FLT1: variants seen among roughly 807,000 people sequenced by gnomAD.
FLT1 encodes fms related receptor tyrosine kinase 1.
FLT1 carries 49 observed loss-of-function variants against 156.3 expected under a neutral mutation model. The observed-to-expected ratio is 0.31, with a 90% CI of 0.25 to 0.40. FLT1 has a LOEUF of 0.40. FLT1 is among the 10% of genes least tolerant of loss of function. The pLI, the probability that FLT1 is intolerant of heterozygous loss-of-function variation, is 1.00. For synonymous variants in FLT1, 594 were observed against 583.8 expected, an observed-to-expected ratio of 1.02 and a Z score of -0.25; for missense variants, 1,322 against 1,637.2, an observed-to-expected ratio of 0.81 and a Z score of 3.32.
chr13:28,430,006 A>C (rs774860572), intron 8 of FLT1, 44 bp downstream of exon 8: 1 of 1,299,074 alleles, frequency 7.7e-7, no homozygotes, highest in Non-Finnish European at 1.1e-6. Context: ...CTTCCCACTT[A>C]CAAAGTATGT....
intron 15 of FLT1, among the ~76,000 whole-genome samples, chr13:28,354,673 CA>C (rs1384625289): frequency 6.6e-6 from 1 of 151,306 alleles, no homozygotes; most frequent in Non-Finnish European, 1.5e-5. Context: ...TTTTTTTAAG[CA>C]AAAAAGGTTG....
At chr13:28,328,821 G>C (rs1258334961) in intron 19 of FLT1, among the ~76,000 whole-genome samples, 1 of 152,146 alleles carries the variant, frequency 6.6e-6, no homozygotes. Flanking sequence ...ATGCAAAGTT[G>C]AGGCAAACAG....
chr13:28,480,300 A>G (rs1168260231), intron 1 of FLT1, among the ~76,000 whole-genome samples: 1 of 152,218 alleles, frequency 6.6e-6, no homozygotes, highest in East Asian at 1.9e-4. Context: ...GTATACCGAT[A>G]GAGATACAAC....
chr13:28,467,769 T>C (rs1381151612), intron 1 of FLT1, 152 bp from the exon 2 acceptor site: 3 of 599,260 alleles, frequency 5.0e-6, no homozygotes, highest in Admixed American at 3.1e-5. Context: ...GATACACTAA[T>C]ACAAATTTCT....
At chr13:28,327,156 A>G (rs1204249504) in intron 20 of FLT1, among the ~76,000 whole-genome samples, 1 of 152,272 alleles carries the variant, frequency 6.6e-6, no homozygotes, top group Non-Finnish European at 1.5e-5. Context: ...GTATGTACAC[A>G]TGCACACATA....
At chr13:28,332,446 C>T (rs1474078728) in intron 18 of FLT1, among the ~76,000 whole-genome samples, 1 of 152,080 alleles carries the variant, frequency 6.6e-6, no homozygotes, top group Non-Finnish European at 1.5e-5. Context: ...AGAAACGGGA[C>T]TAGCTGAGGA....
rs1293094235 is a variant in FLT1, at chr13:28,409,065, C to T, written c.1437-3171G>A. Among the ~76,000 whole-genome samples, 4 of 152,186 alleles carry T rather than the reference C, an allele frequency of 2.6e-5. 1 individual carries two copies. Among genetic ancestry groups the T allele is most frequent in the Non-Finnish European group, 4.4e-5 (3 of 68,022 alleles). ...TAGGACCTCATGTGTGATATGTCAGCCTTCTACATTCCAAGTGGGAGCCAT... is the reference window on the plus strand; with the variant it reads ...TAGGACCTCATGTGTGATATGTCAGTCTTCTACATTCCAAGTGGGAGCCAT... On this transcript the variant is annotated intron_variant, in intron 10 of 29. Transcript: ENST00000282397.
chr13:28,483,245 G>A (rs1210120953), intron 1 of FLT1, among the ~76,000 whole-genome samples: 7 of 152,148 alleles, frequency 4.6e-5, no homozygotes, highest in African/African-American at 7.2e-5. Flanking sequence ...AGTTTACACT[G>A]CCTTTTAAAA....
At chr13:28,333,346 A>G (rs1871998725) in intron 18 of FLT1, among the ~76,000 whole-genome samples, 1 of 152,176 alleles carries the variant, frequency 6.6e-6, no homozygotes, top group African/African-American at 2.4e-5. Flanking sequence ...AGTATTTTCT[A>G]CACTGTAAAG....
Position 28,317,482 on chromosome 13 carries a change from G to A in FLT1, c.3386+16C>T, listed in dbSNP as rs1415820071. ...GCGAGCTGTCAGATGGGGAGCAGAG[G>A]GCACCAAGGGCTCACATTTCAGGAG... is the stretch of plus-strand genomic sequence containing the variant. On this transcript the variant is annotated intron_variant, in intron 25 of 29. Transcript: ENST00000282397. 1.3e-6 allele frequency: 2 copies of A among 1,536,342 alleles called. No homozygotes were observed. Among genetic ancestry groups the A allele is most frequent in the Non-Finnish European group, 1.8e-6 (2 of 1,109,644 alleles).
chr13:28,465,513 A>G (rs932621909), intron 3 of FLT1, among the ~76,000 whole-genome samples: 7 of 152,132 alleles, frequency 4.6e-5, no homozygotes, highest in South Asian at 2.1e-4. Flanking sequence ...ATGCTCAGGG[A>G]AAAACACTGT....
intron 23 of FLT1, among the ~76,000 whole-genome samples, chr13:28,320,615 T>C (rs2138828784): frequency 6.6e-6 from 1 of 152,270 alleles, no homozygotes; most frequent in Non-Finnish European, 1.5e-5. Flanking sequence ...AGATAATTCT[T>C]CTTCTTCCAA....
intron 1 of FLT1, among the ~76,000 whole-genome samples, chr13:28,475,955 G>T (rs148982295): frequency 6.6e-6 from 1 of 152,292 alleles, no homozygotes; most frequent in Non-Finnish European, 1.5e-5. Context: ...AGACTAAATA[G>T]AAGATGTGAA....
At chr13:28,350,707 C>T (rs867144263) in intron 15 of FLT1, among the ~76,000 whole-genome samples, 2 of 152,140 alleles carry the variant, frequency 1.3e-5, no homozygotes, top group Non-Finnish European at 2.9e-5. Flanking sequence ...TGTCCCAGGG[C>T]CTGCCTTGAC....
chr13:28,367,674 T>C lies in FLT1; in HGVS notation c.2117-9989A>G, dbSNP rs1873349572. On this transcript the variant is annotated intron_variant, in intron 14 of 29. Coordinates refer to ENST00000282397, the MANE Select transcript of FLT1 (RefSeq NM_002019.4). ...TTTTGAATTCACCTATTTGATTACA[T>C]AAATGCAGGCCATGTGTTTGCCTCC... Among the ~76,000 whole-genome samples the C allele has an allele frequency of 2.6e-5, 4 of 152,224 alleles. No individual in the cohort carries two copies. In the South Asian group the frequency reaches 8.3e-4, roughly 32 times the overall value.
chr13:28,417,183 T>A (rs1428310437), intron 10 of FLT1, among the ~76,000 whole-genome samples: 1 of 152,230 alleles, frequency 6.6e-6, no homozygotes, highest in Non-Finnish European at 1.5e-5. Context: ...CAGCCTCTAC[T>A]GAAAAAATTT....
At chr13:28,454,235 C>T (rs901907480) in intron 3 of FLT1, among the ~76,000 whole-genome samples, 1 of 152,154 alleles carries the variant, frequency 6.6e-6, no homozygotes, top group African/African-American at 2.4e-5. Context: ...GGATTACTAC[C>T]AATCACTACT....
chr13:28,486,747 T>G (rs1176072318), intron 1 of FLT1, among the ~76,000 whole-genome samples: 1 of 152,248 alleles, frequency 6.6e-6, no homozygotes, highest in Non-Finnish European at 1.5e-5. Flanking sequence ...TATTCTTTCT[T>G]GCACACTCTA....
intron 4 of FLT1, among the ~76,000 whole-genome samples, chr13:28,436,677 T>A (rs993738747): frequency 2.0e-5 from 3 of 152,138 alleles, no homozygotes; most frequent in Non-Finnish European, 4.4e-5. Flanking sequence ...CTAATGGGAG[T>A]AATGCCATGC....
Sources: allele counts gnomAD v4.1 joint callset (sites outside exome capture counted in the v4.1 genomes callset), GRCh38; gene constraint gnomAD v4.1.1; transcripts MANE v1.5; gene names NCBI Gene and HGNC (gene_info 2026-07-23, HGNC 2026-07-21).